The following SOAT1 variants were observed in gnomAD, a reference collection of about 807,000 sequenced individuals.
The protein encoded by SOAT1 is sterol O-acyltransferase 1, also known as acyl-coenzyme A:cholesterol acyltransferase 1.
Under a neutral mutation model 69.5 loss-of-function variants are expected in SOAT1, and 55 were observed. That is an observed-to-expected ratio of 0.79 (90% confidence interval 0.64 to 0.99). The LOEUF is 0.99. SOAT1 is among the 50% of genes least tolerant of loss of function. The pLI is 0.00. For missense variants in SOAT1, 580 were observed against 669.3 expected, an observed-to-expected ratio of 0.87 and a Z score of 1.47; for synonymous variants, 231 against 224.7, an observed-to-expected ratio of 1.03 and a Z score of -0.25.
In SOAT1 at chr1:179,323,091, A is replaced by G. The variant is rs1571426060; in HGVS notation, c.119-346A>G. ...CTGAATTTGTACTAGCTTGGCAATA[A>G]GTTTTAAAAGGTTTTCGTTTTTTAA... On this transcript the variant is annotated intron_variant, in intron 2 of 15. Transcript: ENST00000367619. 2.8e-5 allele frequency among the ~76,000 whole-genome samples: 4 copies of G among 140,776 alleles called. No individual in the cohort carries two copies. In the Admixed American group the frequency reaches 2.9e-4, roughly 10 times the overall value. The allele number at this position is 140,776 out of a possible 152,430, so 92.4% of individuals were successfully genotyped here.
At chr1:179,351,017 C>CTTTTTTTTT (rs1558060562) in intron 14 of SOAT1, among the ~76,000 whole-genome samples, 23 of 13,940 alleles carry the variant, frequency 1.6e-3, no homozygotes, top group Middle Eastern at 0.029. Context: ...CTGTATATTT[C>CTTTTTTTTT]TTTCTTTTTT....
At position 179,350,290 on chromosome 1, in the gene SOAT1, C is replaced by T. The variant is rs761094337; in HGVS notation, c.1315-6C>T. On this transcript the variant is annotated splice_region_variant and splice_polypyrimidine_tract_variant and intron_variant, in intron 13 of 15. Transcript: ENST00000367619. ...ATTACTTTGTAGTGTTTTCCTTTTT[C>T]TTTAGTTTTTCTCCAAGAGATTCAA... 3 of 1,607,958 alleles carry T rather than the reference C, an allele frequency of 1.9e-6. No individual in the cohort carries two copies. The highest frequency in any genetic ancestry group is 1.7e-6 in the Non-Finnish European group (2 of 1,178,296).
intron 15 of SOAT1, among the ~76,000 whole-genome samples, chr1:179,352,483 T>A (rs112690633): frequency 4.1e-3 from 575 of 140,054 alleles, no homozygotes; most frequent in Non-Finnish European, 6.1e-3. Context: ...AACATTTTTG[T>A]CCTGCCTCCT....
chr1:179,301,496 G>C (rs1039318269), intron 1 of SOAT1, among the ~76,000 whole-genome samples: 6 of 152,118 alleles, frequency 3.9e-5, no homozygotes, highest in African/African-American at 1.2e-4. Context: ...GTCGTTAGCT[G>C]TGTGGTCTTG....
chr1:179,332,434 G>T (rs1350056082), intron 3 of SOAT1, among the ~76,000 whole-genome samples: 1 of 152,006 alleles, frequency 6.6e-6, no homozygotes, highest in East Asian at 1.9e-4. Flanking sequence ...AATCTTAGAG[G>T]TTATCTAATT....
rs1228559047 is a variant in SOAT1 at position 179,348,878 on chromosome 1, A to G, written c.1250A>G (p.Tyr417Cys). ...WWNSTSYSNY[Y>C]RTWNVVVHDW... Reference sequence around the variant, plus strand: ...AACTCCACGTCATACTCCAACTATTATAGAACCTGGAATGTGGTGGTCCAT... The same window carrying G: ...AACTCCACGTCATACTCCAACTATTGTAGAACCTGGAATGTGGTGGTCCAT... Residue 417 changes from tyrosine to cysteine, a missense_variant, in exon 13 of 16, where the codon TAT becomes TGT. Transcript: ENST00000367619. The G allele has an allele frequency of 6.2e-7, 1 of 1,611,986 alleles. No homozygotes were observed. Among genetic ancestry groups the G allele is most frequent in the Non-Finnish European group, 8.5e-7 (1 of 1,178,370 alleles).
intron 3 of SOAT1, among the ~76,000 whole-genome samples, chr1:179,324,163 CATGT>C (rs1383670746): frequency 1.3e-5 from 2 of 152,102 alleles, no homozygotes; most frequent in Non-Finnish European, 2.9e-5. Flanking sequence ...TAGTTACATG[CATGT>C]ATGTATGTAC....
intron 2 of SOAT1, among the ~76,000 whole-genome samples, chr1:179,306,372 T>C (rs1226345948): frequency 6.6e-6 from 1 of 152,108 alleles, no homozygotes; most frequent in Non-Finnish European, 1.5e-5. Flanking sequence ...ATATGAAGCA[T>C]AGAAGCACAT....
chr1:179,335,750 C>A (rs1291705164), intron 4 of SOAT1, 93 bp downstream of exon 4: 1 of 1,210,964 alleles, frequency 8.3e-7, no homozygotes, highest in Admixed American at 2.3e-5. Flanking sequence ...GAGTTCACAC[C>A]CTGGTGTCAC....
intron 11 of SOAT1, among the ~76,000 whole-genome samples, chr1:179,347,059 T>G (rs988788009): frequency 1.1e-4 from 16 of 152,042 alleles, no homozygotes; most frequent in African/African-American, 3.9e-4. Flanking sequence ...TAGGCATTTC[T>G]TAAAAACAGA....
rs184012635 is a variant in SOAT1 at position 179,295,858 on chromosome 1, T to C, written c.-9+1922T>C. ...TTGGCGCTTGTTGCCCAGGCTGGAATGGCACGATCTCGGCTCCCCGCAACC... is the reference window on the plus strand; with the variant it reads ...TTGGCGCTTGTTGCCCAGGCTGGAACGGCACGATCTCGGCTCCCCGCAACC... On this transcript the variant is annotated intron_variant, in intron 1 of 15. Transcript: ENST00000367619. Among the ~76,000 whole-genome samples the C allele has an allele frequency of 1.2e-3, 174 of 144,228 alleles. 2 individuals are homozygous for C. Among genetic ancestry groups the C allele is most frequent in the African/African-American group, 4.2e-3 (163 of 38,422 alleles). The allele number at this position is 144,228 out of a possible 152,430, so 94.6% of individuals were successfully genotyped here.
chr1:179,337,283 T>G (rs1666191049), intron 4 of SOAT1, among the ~76,000 whole-genome samples: 1 of 152,144 alleles, frequency 6.6e-6, no homozygotes, highest in African/African-American at 2.4e-5. Flanking sequence ...GATGTTAAAA[T>G]GGGAGTTTTT....
chr1:179,318,066 A>ACATC (rs1665457439), intron 2 of SOAT1, among the ~76,000 whole-genome samples: 1 of 152,032 alleles, frequency 6.6e-6, no homozygotes, highest in African/African-American at 2.4e-5. Context: ...GTGGTGGCAC[A>ACATC]CATCTATGGT....
Position 179,353,891 on chromosome 1 carries a change from G to T in SOAT1, c.*250G>T. 2.1e-6 allele frequency: 1 copy of T among 467,880 alleles called. No individual in the cohort carries two copies. Among genetic ancestry groups the T allele is most frequent in the Non-Finnish European group, 3.8e-6 (1 of 266,520 alleles). 29.0% of individuals were successfully genotyped at this position (467,880 alleles called of 1,614,324 possible). A position where few individuals can be genotyped will look rare whatever the true frequency, so the allele number is the denominator to read the frequency against. On this transcript the variant is annotated 3_prime_UTR_variant, in exon 16 of 16. Transcript: ENST00000367619. ...GGGAGAAGACCGACTAACAGCTGAAGTAATGACAGATTGTTGCTGGGTCAT... is the reference window on the plus strand; with the variant it reads ...GGGAGAAGACCGACTAACAGCTGAATTAATGACAGATTGTTGCTGGGTCAT...
chr1:179,294,077 G>A (rs1664544873), intron 1 of SOAT1, 141 bp downstream of exon 1: 1 of 152,308 alleles, frequency 6.6e-6, no homozygotes, highest in African/African-American at 2.4e-5. Flanking sequence ...GCGAGGCTCG[G>A]CGACTGCAGG....
rs763188425 is a variant in SOAT1 at position 179,302,709 on chromosome 1, C to G, written c.25C>G (p.Leu9Val). MVGEEKMSLRNRLSKSREN... is the reference protein window; with the variant it reads MVGEEKMSVRNRLSKSREN... Reference sequence around the variant, plus strand: ...AATGGTGGGTGAAGAGAAGATGTCTCTAAGAAACCGGCTGTCAAAGTCCAG... The same window carrying G: ...AATGGTGGGTGAAGAGAAGATGTCTGTAAGAAACCGGCTGTCAAAGTCCAG... Residue 9 changes from leucine to valine, a missense_variant, in exon 2 of 16, where the codon CTA (leucine) becomes GTA (valine). Leu to Val is a conservative substitution (Grantham distance 32, BLOSUM62 1). Coordinates refer to ENST00000367619, the MANE Select transcript of SOAT1 (RefSeq NM_003101.6). The G allele has an allele frequency of 1.3e-5, 21 of 1,604,720 alleles. No homozygotes were observed. The highest frequency in any genetic ancestry group is 1.1e-5 in the Non-Finnish European group (13 of 1,177,704).
intron 2 of SOAT1, among the ~76,000 whole-genome samples, chr1:179,312,763 T>C (rs1261563290): frequency 6.6e-6 from 1 of 152,122 alleles, no homozygotes; most frequent in African/African-American, 2.4e-5. Flanking sequence ...CTCTAAAGAG[T>C]TCTCTCTGGG....
intron 10 of SOAT1, 68 bp downstream of exon 10, chr1:179,343,703 T>C: frequency 8.9e-7 from 1 of 1,125,502 alleles, no homozygotes; most frequent in Non-Finnish European, 1.3e-6. Context: ...GATAATAATA[T>C]AATCTAGTTA....
rs975128899 is a variant in SOAT1, at chr1:179,350,412, G to C, written c.1431G>C (p.Val477=). The C allele has an allele frequency of 6.2e-7, 1 of 1,613,902 alleles. No individual in the cohort carries two copies. Among genetic ancestry groups the C allele is most frequent in the Non-Finnish European group, 8.5e-7 (1 of 1,179,982 alleles). ...GCTTTTTCTATCCCGTGCTCTTCGTGCTCTTCATGTTCTTTGGAAGTAAGT... is the reference window on the plus strand; with the variant it reads ...GCTTTTTCTATCCCGTGCTCTTCGTCCTCTTCATGTTCTTTGGAAGTAAGT... ...CLSFFYPVLF[V]LFMFFGMAFN... Residue 477 remains valine, a synonymous_variant, in exon 14 of 16, where the codon GTG becomes GTC. Transcript: ENST00000367619.
Sources: gnomAD v4.1 joint callset for allele counts (sites outside exome capture counted in the v4.1 genomes callset) on GRCh38, gnomAD v4.1.1 for gene constraint, MANE v1.5 for transcripts, NCBI Gene and HGNC (gene_info 2026-07-23, HGNC 2026-07-21) for gene names.